MYOM2: variants seen among roughly 807,000 people sequenced by gnomAD.
MYOM2 encodes myomesin 2, also known as myomesin-2.
A neutral mutation model predicts 187.6 loss-of-function variants in MYOM2; 254 were observed. The ratio of observed to expected loss-of-function variants is 1.35; its 90% CI spans 1.22 to 1.50. The LOEUF (loss-of-function observed/expected upper bound fraction) is 1.50, where lower values mean the gene tolerates loss of function less well. MYOM2 is among the 40% of genes most tolerant of loss of function. MYOM2 has a pLI of 0.00. For synonymous variants in MYOM2, 981 were observed against 753.8 expected, an observed-to-expected ratio of 1.30 and a Z score of -4.94; for missense variants, 2,796 against 1,924.0, an observed-to-expected ratio of 1.45 and a Z score of -8.48.
intron 28 of MYOM2, 109 bp from the exon 29 acceptor site, chr8:2,123,143 A>T (rs1797514164): frequency 1.5e-6 from 1 of 683,734 alleles, no homozygotes; most frequent in Non-Finnish European, 2.4e-6. Flanking sequence ...TATAGTAAAA[A>T]CTAAGGTTTT....
chr8:2,063,192 C>G (rs1818906691), intron 6 of MYOM2, among the ~76,000 whole-genome samples: 1 of 152,208 alleles, frequency 6.6e-6, no homozygotes, highest in Admixed American at 6.5e-5. Flanking sequence ...CCACAAATTA[C>G]AGCTTGTCTC....
At chr8:2,068,615 G>C (rs1466564431) in intron 6 of MYOM2, among the ~76,000 whole-genome samples, 1 of 152,182 alleles carries the variant, frequency 6.6e-6, no homozygotes, top group African/African-American at 2.4e-5. Flanking sequence ...GAGCATCCTG[G>C]GCGCAGCTCT....
chr8:2,097,128 C>T (rs1796521701), intron 18 of MYOM2: 1 of 982,126 alleles, frequency 1.0e-6, no homozygotes, highest in Non-Finnish European at 1.2e-6. Flanking sequence ...AACAGGAGGG[C>T]TTTCTTTTTT....
At chr8:2,100,129 T>TTCCTTCCTTCCTTCCTTCC (rs1796648799) in intron 19 of MYOM2, among the ~76,000 whole-genome samples, 7 of 45,528 alleles carry the variant, frequency 1.5e-4, no homozygotes, top group African/African-American at 5.7e-4. Flanking sequence ...TCCTTCCTTC[T>TTCCTTCCTTCCTTCCTTCC]TTCCTTCCTT....
intron 9 of MYOM2, 99 bp downstream of exon 9, chr8:2,072,608 C>G (rs1403477289): frequency 7.9e-6 from 11 of 1,388,242 alleles, no homozygotes; most frequent in Non-Finnish European, 1.1e-5. Flanking sequence ...GTCTCTACCA[C>G]TGGGTCAGCT....
chr8:2,092,250 G>C, intron 15 of MYOM2, 96 bp from the exon 16 acceptor site: 2 of 1,406,150 alleles, frequency 1.4e-6, no homozygotes, highest in Non-Finnish European at 2.0e-6. Flanking sequence ...CCCCAGTCTG[G>C]CTGTCCAGTT....
At chr8:2,109,684 G>A (rs1335807726) in intron 25 of MYOM2, among the ~76,000 whole-genome samples, 153 bp downstream of exon 25, 1 of 152,144 alleles carries the variant, frequency 6.6e-6, no homozygotes, top group East Asian at 1.9e-4. Flanking sequence ...GAATGGAGAT[G>A]GTTGATTCTT....
chr8:2,056,304 A>T (rs775920515), intron 3 of MYOM2, among the ~76,000 whole-genome samples: 5 of 152,178 alleles, frequency 3.3e-5, no homozygotes, highest in Non-Finnish European at 4.4e-5. Flanking sequence ...GTTTCTCACG[A>T]GTGGGACAGA....
chr8:2,076,218 A>T lies in MYOM2; in HGVS notation c.1198A>T (p.Ile400Phe). The T allele has an allele frequency of 6.2e-7, 1 of 1,613,666 alleles. No homozygotes were observed. Among genetic ancestry groups the T allele is most frequent in the African/African-American group, 1.3e-5 (1 of 75,044 alleles). Residue 400 changes from isoleucine to phenylalanine, a missense_variant, in exon 11 of 37, where the codon ATC (isoleucine) becomes TTC (phenylalanine). Coordinates refer to ENST00000262113, the MANE Select transcript of MYOM2 (RefSeq NM_003970.4). The part of the protein sequence containing the change: ...QCHDANRDYV[I>F]VTWKPPNTTT... ...CCACGACGCCAACCGGGACTACGTCATCGTGACCTGGAAGCCGCCCAACAC... is the reference window on the plus strand; with the variant it reads ...CCACGACGCCAACCGGGACTACGTCTTCGTGACCTGGAAGCCGCCCAACAC...
chr8:2,116,175 C>G, intron 26 of MYOM2, 41 bp from the exon 27 acceptor site: 1 of 1,600,904 alleles, frequency 6.2e-7, no homozygotes, highest in African/African-American at 1.3e-5. Flanking sequence ...TGGAGAGAAG[C>G]AAACATGTTT....
At chr8:2,068,840 G>C (rs1406233651) in intron 6 of MYOM2, among the ~76,000 whole-genome samples, 1 of 152,194 alleles carries the variant, frequency 6.6e-6, no homozygotes, top group African/African-American at 2.4e-5. Context: ...CCTACACGGA[G>C]CAGGTCCACG....
intron 9 of MYOM2, 71 bp downstream of exon 9, chr8:2,072,580 G>T: frequency 2.0e-6 from 3 of 1,517,266 alleles, no homozygotes; most frequent in Non-Finnish European, 2.7e-6. Context: ...TTTAAATGTG[G>T]GTGTCAATGT....
At chr8:2,084,948 T>C (rs572154978) in intron 13 of MYOM2, 1 of 327,576 alleles carries the variant, frequency 3.1e-6, no homozygotes, top group African/African-American at 2.1e-5. Flanking sequence ...CAGAGCCCCA[T>C]TTCGGGTGCA....
rs187680130 is a variant in MYOM2 at position 2,121,400 on chromosome 8, G to A, written c.3454-1852G>A. ...ATGGGCTCTGATATCATCTTAGTGGGATAGAACCGTCTATAAATATTTAAA... is the reference window on the plus strand; with the variant it reads ...ATGGGCTCTGATATCATCTTAGTGGAATAGAACCGTCTATAAATATTTAAA... On this transcript the variant is annotated intron_variant, in intron 28 of 36. Coordinates refer to ENST00000262113, the MANE Select transcript of MYOM2 (RefSeq NM_003970.4). 9.5e-3 allele frequency among the ~76,000 whole-genome samples: 1,443 copies of A among 152,216 alleles called. 21 individuals are homozygous for A. The highest frequency in any genetic ancestry group is 9.7e-3 in the Non-Finnish European group (660 of 68,024).
chr8:2,138,825 C>T (rs1011689415), intron 32 of MYOM2, among the ~76,000 whole-genome samples: 8 of 152,310 alleles, frequency 5.3e-5, no homozygotes, highest in Admixed American at 3.3e-4. Context: ...GGCTAAGTCT[C>T]AGGGTGAAGC....
intron 3 of MYOM2, among the ~76,000 whole-genome samples, chr8:2,055,173 C>T (rs180997650): frequency 4.0e-5 from 6 of 151,428 alleles, no homozygotes; most frequent in Admixed American, 2.6e-4. Context: ...TACCTGGATA[C>T]TGGGGCAATG....
At position 2,127,662 on chromosome 8, in the gene MYOM2, G is replaced by T; in HGVS notation, c.3695-1465G>T. 2 of 145,730 alleles carry T rather than the reference G, an allele frequency of 1.4e-5. 1 individual carries two copies. Among genetic ancestry groups the T allele is most frequent in the Non-Finnish European group, 3.0e-5 (2 of 66,846 alleles). The allele number at this position is 145,730 out of a possible 1,614,324, so 9.0% of individuals were successfully genotyped here. The stretch of plus-strand genomic sequence containing the variant: ...CGCAGCCGCAGGCAGGCAGTACCTC[G>T]GCGTGACGCGGTGACGCAGCCGCAG... On this transcript the variant is annotated intron_variant, in intron 31 of 36. Coordinates refer to ENST00000262113, the MANE Select transcript of MYOM2 (RefSeq NM_003970.4).
Position 2,106,592 on chromosome 8 carries a change from C to A in MYOM2, c.2993C>A (p.Pro998Gln), listed in dbSNP as rs76982034. The A allele has an allele frequency of 1.1e-4, 174 of 1,598,126 alleles. No homozygotes were observed. The African/African-American group carries it at 2.2e-3, about 20-fold the overall frequency. ...DGVSSSFVLD[P>Q]EELERLMALS... ...GTGTCCTCCAGTTTTGTTCTGGACC[C>A]AGAAGGTAATATTTATATGGCAGAA... The change falls in exon 23 of 37, where the codon CCA (proline) becomes CAA (glutamine). Residue 998 changes from proline (P) to glutamine (Q), a missense_variant. Physicochemically the swap from Pro to Gln is moderately conservative, Grantham distance 76. Transcript: ENST00000262113.
intron 25 of MYOM2, among the ~76,000 whole-genome samples, chr8:2,114,842 C>G (rs73169415): frequency 2.0e-5 from 3 of 151,982 alleles, no homozygotes; most frequent in African/African-American, 4.8e-5. Context: ...ATCCTCCTGC[C>G]TCAGCCTTCC....
Sources: gnomAD v4.1 joint callset for allele counts (sites outside exome capture counted in the v4.1 genomes callset) on GRCh38, gnomAD v4.1.1 for gene constraint, MANE v1.5 for transcripts, NCBI Gene and HGNC (gene_info 2026-07-23, HGNC 2026-07-21) for gene names.